ATP8A1: variants seen among roughly 807,000 people sequenced by gnomAD.
The protein encoded by ATP8A1 is phospholipid-transporting ATPase IA.
A neutral mutation model predicts 177.7 loss-of-function variants in ATP8A1; 90 were observed. The observed-to-expected ratio is 0.51, with a 90% CI of 0.43 to 0.60. The LOEUF (loss-of-function observed/expected upper bound fraction) is 0.60, where lower values mean the gene tolerates loss of function less well. ATP8A1 is among the 20% of genes least tolerant of loss of function. The pLI, the probability that ATP8A1 is intolerant of heterozygous loss-of-function variation, is 0.00. For synonymous variants in ATP8A1, 493 were observed against 485.9 expected (o/e 1.01, Z -0.19); for missense variants, 1,072 against 1,392.8 (o/e 0.77, Z 3.67).
At chr4:42,497,621 C>G (rs1298744192) in intron 24 of ATP8A1, among the ~76,000 whole-genome samples, 2 of 152,108 alleles carry the variant, frequency 1.3e-5, no homozygotes, top group African/African-American at 4.8e-5. Flanking sequence ...GTTCTCAGCA[C>G]AAGCCAGCCT....
intron 29 of ATP8A1, among the ~76,000 whole-genome samples, chr4:42,452,759 A>G (rs1274766866): frequency 6.6e-6 from 1 of 152,238 alleles, no homozygotes; most frequent in Non-Finnish European, 1.5e-5. Flanking sequence ...GATGTGAAAG[A>G]TTAAGTTATA....
intron 22 of ATP8A1, among the ~76,000 whole-genome samples, chr4:42,517,445 G>A (rs983896857): frequency 6.6e-6 from 1 of 152,150 alleles, no homozygotes; most frequent in Non-Finnish European, 1.5e-5. Context: ...TCTAAAGAAT[G>A]AGACCACTGT....
chr4:42,490,121 C>T (rs937567825), intron 24 of ATP8A1, among the ~76,000 whole-genome samples: 135 of 152,296 alleles, frequency 8.9e-4, no homozygotes, highest in African/African-American at 3.1e-3. Context: ...TCTCGTGCCC[C>T]TTCCCTGACC....
At chr4:42,447,963 C>A (rs1240404157) in intron 30 of ATP8A1, among the ~76,000 whole-genome samples, 1 of 152,136 alleles carries the variant, frequency 6.6e-6, no homozygotes, top group Non-Finnish European at 1.5e-5. Context: ...CTCATACTTC[C>A]TGGTCTATGG....
At chr4:42,578,090 A>C (rs1732655833) in intron 12 of ATP8A1, among the ~76,000 whole-genome samples, 170 bp downstream of exon 12, 2 of 152,140 alleles carry the variant, frequency 1.3e-5, no homozygotes, top group Non-Finnish European at 2.9e-5. Flanking sequence ...CTGGCCTGTA[A>C]ACTTGTGTGA....
rs113567235 is a variant in ATP8A1, at chr4:42,513,184, C to T, written c.1948-6030G>A. On this transcript the variant is annotated intron_variant, in intron 22 of 36. Transcript: ENST00000381668. ...CCCCATGTCCAACTCCTACCATTCT[C>T]CCTTAGCCTGGCCTTAGACCCTCAG... Among the ~76,000 whole-genome samples the T allele has an allele frequency of 6.5e-3, 992 of 152,290 alleles. 5 individuals carry two copies. The highest frequency in any genetic ancestry group is 0.022 in the African/African-American group (927 of 41,554).
At chr4:42,521,898 A>G (rs1467012533) in intron 22 of ATP8A1, among the ~76,000 whole-genome samples, 3 of 152,230 alleles carry the variant, frequency 2.0e-5, no homozygotes, top group Admixed American at 6.5e-5. Flanking sequence ...TACATTGGCA[A>G]GGAGATTGCC....
At chr4:42,503,398 A>G in intron 24 of ATP8A1, 52 bp downstream of exon 24, 2 of 1,046,380 alleles carry the variant, frequency 1.9e-6, no homozygotes, top group Non-Finnish European at 2.9e-6. Flanking sequence ...ATAAAATACT[A>G]TAGCATGAAT....
At chr4:42,513,253 C>A (rs145585470) in intron 22 of ATP8A1, among the ~76,000 whole-genome samples, 1 of 152,136 alleles carries the variant, frequency 6.6e-6, no homozygotes, top group Non-Finnish European at 1.5e-5. Flanking sequence ...AACTACAAAG[C>A]CTTTAAACTG....
Position 42,656,992 on chromosome 4 carries a change from C to T in ATP8A1, c.-119G>A. ...TCAGCTGCAGCCTGGGCCGCGCCGCCGCCCACCTAGGGCAGAGCTGCCGCC... is the reference window on the plus strand; with the variant it reads ...TCAGCTGCAGCCTGGGCCGCGCCGCTGCCCACCTAGGGCAGAGCTGCCGCC... On this transcript the variant is annotated 5_prime_UTR_variant, in exon 1 of 37. Coordinates refer to ENST00000381668, the MANE Select transcript of ATP8A1 (RefSeq NM_006095.2). 1 of 1,108,494 alleles carries T rather than the reference C, an allele frequency of 9.0e-7. No homozygotes were observed. Among genetic ancestry groups the T allele is most frequent in the Non-Finnish European group, 1.2e-6 (1 of 863,152 alleles). The allele number at this position is 1,108,494 out of a possible 1,614,324, so 68.7% of individuals were successfully genotyped here.
At chr4:42,509,705 A>G (rs370644981) in intron 22 of ATP8A1, among the ~76,000 whole-genome samples, 48 of 152,244 alleles carry the variant, frequency 3.2e-4, no homozygotes, top group African/African-American at 9.6e-4. Context: ...ACAAAAAATT[A>G]GCCGGGCATG....
Position 42,625,580 on chromosome 4 carries a change from G to A in ATP8A1, c.264+34C>T, listed in dbSNP as rs1199082957. ...ACGGGCTTAACATTTATTAGTACCT[G>A]AACATTTGACAAGGTTTTATGACGT... is the stretch of plus-strand genomic sequence containing the variant. On this transcript the variant is annotated intron_variant, in intron 3 of 36. Coordinates refer to ENST00000381668, the MANE Select transcript of ATP8A1 (RefSeq NM_006095.2). 4 of 1,433,050 alleles carry A rather than the reference G, an allele frequency of 2.8e-6. No individual in the cohort carries two copies. In the African/African-American group the frequency reaches 5.7e-5, roughly 20 times the overall value. 88.8% of individuals were successfully genotyped at this position (1,433,050 alleles called of 1,614,324 possible). A position where few individuals can be genotyped will look rare whatever the true frequency, so the allele number is the denominator to read the frequency against.
chr4:42,618,939 G>T (rs1480168623), intron 4 of ATP8A1, among the ~76,000 whole-genome samples: 2 of 152,250 alleles, frequency 1.3e-5, no homozygotes, highest in Admixed American at 1.3e-4. Flanking sequence ...TAAGCCAAAA[G>T]GATCTCTAGA....
intron 24 of ATP8A1, among the ~76,000 whole-genome samples, chr4:42,502,063 A>G (rs1011514308): frequency 4.6e-5 from 7 of 152,122 alleles, no homozygotes; most frequent in Non-Finnish European, 1.0e-4. Context: ...TTTTCAAAAA[A>G]GAAGCCCTTA....
chr4:42,638,248 G>A (rs1412595818), intron 1 of ATP8A1, among the ~76,000 whole-genome samples: 2 of 152,180 alleles, frequency 1.3e-5, no homozygotes, highest in Non-Finnish European at 2.9e-5. Flanking sequence ...TTCTTTAAGT[G>A]CCTTTGAGGG....
At chr4:42,582,865 G>A (rs1733238855) in intron 9 of ATP8A1, among the ~76,000 whole-genome samples, 1 of 152,122 alleles carries the variant, frequency 6.6e-6, no homozygotes, top group African/African-American at 2.4e-5. Flanking sequence ...AGGGACATAA[G>A]AAGGAACAAA....
chr4:42,432,302 A>G (rs1189688392), intron 33 of ATP8A1, among the ~76,000 whole-genome samples: 6 of 152,188 alleles, frequency 3.9e-5, no homozygotes, highest in Non-Finnish European at 8.8e-5. Flanking sequence ...AAAATCCACA[A>G]TATTAATATC....
intron 20 of ATP8A1, among the ~76,000 whole-genome samples, chr4:42,539,251 G>C (rs1329096917): frequency 1.3e-5 from 2 of 151,954 alleles, no homozygotes; most frequent in African/African-American, 2.4e-5. Context: ...TTTGGGACCT[G>C]GGGGGAGAGG....
chr4:42,499,967 T>G (rs1393267397), intron 24 of ATP8A1, among the ~76,000 whole-genome samples: 1 of 152,212 alleles, frequency 6.6e-6, no homozygotes, highest in Admixed American at 6.5e-5. Context: ...TATCATTAAT[T>G]AGAAGTCTGT....
Sources: allele counts gnomAD v4.1 joint callset (sites outside exome capture counted in the v4.1 genomes callset), GRCh38; gene constraint gnomAD v4.1.1; transcripts MANE v1.5; gene names NCBI Gene and HGNC (gene_info 2026-07-23, HGNC 2026-07-21).